Variants in REEP5 observed in about 807,000 individuals in gnomAD.
REEP5 encodes receptor accessory protein 5, also known as receptor expression-enhancing protein 5.
A neutral mutation model predicts 22.4 loss-of-function variants in REEP5; 24 were observed. That is an observed-to-expected ratio of 1.07 (90% CI 0.78 to 1.51). The LOEUF (loss-of-function observed/expected upper bound fraction) is 1.51, where lower values mean the gene tolerates loss of function less well. REEP5 is among the 40% of genes most tolerant of loss of function. The pLI is 0.00. For synonymous variants in REEP5, 103 were observed against 88.6 expected, an observed-to-expected ratio of 1.16 and a Z score of -0.92; for missense variants, 252 against 233.0, an observed-to-expected ratio of 1.08 and a Z score of -0.53.
chr5:112,880,558 C>T (rs1177856292), intron 4 of REEP5, among the ~76,000 whole-genome samples: 1 of 152,216 alleles, frequency 6.6e-6, no homozygotes. Context: ...AAAATGTAGT[C>T]CTTCCCTTAA....
At chr5:112,898,490 G>A (rs1768763377) in intron 3 of REEP5, 2 of 152,150 alleles carry the variant, frequency 1.3e-5, no homozygotes, top group South Asian at 4.2e-4. Context: ...ATGATTCAGT[G>A]ACTACCATTT....
chr5:112,876,398 C>G lies in REEP5; in HGVS notation c.*2388G>C, dbSNP rs1457263073. ...GAAATATAACAGTTAAATGAGAACT[C>G]AATTTTATTTACATCTATTTATTTC... On this transcript the variant is annotated 3_prime_UTR_variant, in exon 5 of 5. Transcript: ENST00000379638. 6.6e-6 allele frequency: 1 copy of G among 152,132 alleles called. No homozygotes were observed. The highest frequency in any genetic ancestry group is 1.5e-5 in the Non-Finnish European group (1 of 68,024). 9.4% of individuals were successfully genotyped at this position (152,132 alleles called of 1,614,324 possible). A position where few individuals can be genotyped will look rare whatever the true frequency, so the allele number is the denominator to read the frequency against.
At chr5:112,883,707 T>C (rs917153714) in intron 4 of REEP5, among the ~76,000 whole-genome samples, 1 of 152,180 alleles carries the variant, frequency 6.6e-6, no homozygotes, top group Admixed American at 6.5e-5. Flanking sequence ...AACTAGCTAT[T>C]TGACTAATCC....
chr5:112,880,693 A>G (rs1768045447), intron 4 of REEP5, among the ~76,000 whole-genome samples: 1 of 152,228 alleles, frequency 6.6e-6, no homozygotes, highest in Non-Finnish European at 1.5e-5. Flanking sequence ...GTGTCATAAC[A>G]AAGTAAGATT....
intron 3 of REEP5, among the ~76,000 whole-genome samples, chr5:112,889,985 C>G (rs1400924876): frequency 6.6e-6 from 1 of 150,398 alleles, no homozygotes; most frequent in Non-Finnish European, 1.5e-5. Context: ...CACCACCATG[C>G]CCAGCTAATT....
At chr5:112,883,289 C>T (rs1768133416) in intron 4 of REEP5, among the ~76,000 whole-genome samples, 2 of 152,234 alleles carry the variant, frequency 1.3e-5, no homozygotes, top group South Asian at 4.1e-4. Context: ...TTTGATATCA[C>T]TCCACAAAAT....
intron 1 of REEP5, chr5:112,921,530 C>T: frequency 3.9e-6 from 2 of 515,206 alleles, no homozygotes; most frequent in Non-Finnish European, 3.5e-6. Context: ...GCGCCCGGGA[C>T]GGTCCCAGGC....
At position 112,878,705 on chromosome 5, in the gene REEP5, A is replaced by AATT. The variant is rs1256226340; in HGVS notation, c.*78_*80dup. On this transcript the variant is annotated 3_prime_UTR_variant, in exon 5 of 5. Transcript: ENST00000379638. ...GTTTCCAAGGCAACATTATTAAAAT[A>AATT]ATTATACCACAGTCCCTAATATAAC... 8 of 1,550,286 alleles carry AATT rather than the reference A, an allele frequency of 5.2e-6. No individual in the cohort carries two copies. The African/African-American group carries it at 6.9e-5, about 13-fold the overall frequency.
At chr5:112,897,534 A>G (rs1475697038) in intron 3 of REEP5, 1 of 152,178 alleles carries the variant, frequency 6.6e-6, no homozygotes, top group Non-Finnish European at 1.5e-5. Flanking sequence ...CATAATCAAG[A>G]AAAAAAGCTT....
At chr5:112,911,190 C>T (rs1034966720) in intron 2 of REEP5, among the ~76,000 whole-genome samples, 83 of 152,134 alleles carry the variant, frequency 5.5e-4, no homozygotes, top group African/African-American at 1.9e-3. Context: ...CAGGCGTGGG[C>T]GAGGAAGATT....
intron 3 of REEP5, chr5:112,892,768 C>T: frequency 6.2e-7 from 1 of 1,613,982 alleles, no homozygotes. Context: ...CCACCACGAC[C>T]ACTACTACAG....
At chr5:112,915,045 A>G (rs1769201354) in intron 2 of REEP5, among the ~76,000 whole-genome samples, 1 of 152,230 alleles carries the variant, frequency 6.6e-6, no homozygotes, top group Admixed American at 6.5e-5. Flanking sequence ...AACATGTTAT[A>G]TTTGTATTTA....
intron 3 of REEP5, chr5:112,893,695 TG>T (rs1561652214): frequency 6.6e-6 from 1 of 152,334 alleles, no homozygotes; most frequent in African/African-American, 2.4e-5. Context: ...TAATGCTACG[TG>T]CATGAATGTG....
At chr5:112,899,063 T>C (rs1768779254) in intron 3 of REEP5, among the ~76,000 whole-genome samples, 1 of 152,138 alleles carries the variant, frequency 6.6e-6, no homozygotes, top group African/African-American at 2.4e-5. Context: ...GGTGTGATAC[T>C]GTATTTAATG....
At chr5:112,886,931 C>CT in intron 4 of REEP5, 84 bp downstream of exon 4, 1 of 1,044,760 alleles carries the variant, frequency 9.6e-7, no homozygotes, top group Non-Finnish European at 1.4e-6. Flanking sequence ...GGTGATAAGA[C>CT]AAGAAGGCCA....
intron 3 of REEP5, chr5:112,894,378 G>A (rs576739163): frequency 3.9e-5 from 6 of 152,296 alleles, no homozygotes; most frequent in African/African-American, 1.4e-4. Flanking sequence ...GCCTCCTAAT[G>A]TGCTTAGGAT....
intron 2 of REEP5, among the ~76,000 whole-genome samples, chr5:112,904,365 T>C (rs1161582102): frequency 1.3e-5 from 2 of 151,926 alleles, no homozygotes; most frequent in African/African-American, 2.4e-5. Context: ...GTATGGCTTA[T>C]CCATATTTAA....
intron 2 of REEP5, among the ~76,000 whole-genome samples, chr5:112,920,501 T>C (rs1383110455): frequency 6.6e-6 from 1 of 152,100 alleles, no homozygotes; most frequent in East Asian, 1.9e-4. Context: ...ATAAACACAT[T>C]GTAGAATAAA....
Position 112,887,089 on chromosome 5 carries a change from T to G in REEP5, c.446A>C (p.Glu149Ala). 2 of 1,613,800 alleles carry G rather than the reference T, an allele frequency of 1.2e-6. No homozygotes were observed. The highest frequency in any genetic ancestry group is 2.7e-5 in the African/African-American group (2 of 75,042). The change falls in exon 4 of 5, where the codon GAG (glutamate) becomes GCG (alanine). Residue 149 changes from glutamate to alanine, a missense_variant. Glu to Ala is a moderately radical substitution (Grantham distance 107). Transcript: ENST00000379638. ...CTTGACCACACTGTCCATCTGGGACTCGTGCTTCAGGAAGAAAGGACGGAT... is the reference window on the plus strand; with the variant it reads ...CTTGACCACACTGTCCATCTGGGACGCGTGCTTCAGGAAGAAAGGACGGAT... ...RIIRPFFLKHESQMDSVVKDL... is the reference protein window; with the variant it reads ...RIIRPFFLKHASQMDSVVKDL...
Sources: allele counts gnomAD v4.1 joint callset (sites outside exome capture counted in the v4.1 genomes callset), GRCh38; gene constraint gnomAD v4.1.1; transcripts MANE v1.5; gene names NCBI Gene and HGNC (gene_info 2026-07-23, HGNC 2026-07-21).